Variants in TRIM66 observed in about 807,000 individuals in gnomAD.
The protein encoded by TRIM66 is tripartite motif containing 66, also known as tripartite motif-containing protein 66.
A neutral mutation model predicts 148.2 loss-of-function variants in TRIM66; 99 were observed. The observed-to-expected ratio is 0.67, with a 90% CI of 0.57 to 0.79. TRIM66 has a LOEUF of 0.79. Among genes scored for constraint, TRIM66 ranks in the 30% least tolerant of loss-of-function variants. The pLI is 0.00. For synonymous variants in TRIM66, 616 were observed against 635.9 expected (o/e 0.97, Z 0.47); for missense variants, 1,666 against 1,697.9 (o/e 0.98, Z 0.33).
intron 12 of TRIM66, among the ~76,000 whole-genome samples, chr11:8,643,777 C>T (rs1249031645): frequency 6.6e-6 from 1 of 152,152 alleles, no homozygotes; most frequent in East Asian, 1.9e-4. Flanking sequence ...ATTGTCTGAG[C>T]TCCCCATTGC....
Position 8,613,360 on chromosome 11 carries a change from G to A in TRIM66, c.*4584C>T, listed in dbSNP as rs1565456810. ...GAGGTTGTTTCACTGAGGGTTGGTGGGTGGTGTGAAATGCTGCGGAGAGGT... is the reference window on the plus strand; with the variant it reads ...GAGGTTGTTTCACTGAGGGTTGGTGAGTGGTGTGAAATGCTGCGGAGAGGT... On this transcript the variant is annotated 3_prime_UTR_variant, in exon 25 of 25. Transcript: ENST00000646038. The A allele has an allele frequency of 6.6e-6, 1 of 152,192 alleles. No homozygotes were observed. Among genetic ancestry groups the A allele is most frequent in the Admixed American group, 6.5e-5 (1 of 15,278 alleles). 9.4% of individuals were successfully genotyped at this position (152,192 alleles called of 1,614,324 possible). A position where few individuals can be genotyped will look rare whatever the true frequency, so the allele number is the denominator to read the frequency against.
intron 6 of TRIM66, among the ~76,000 whole-genome samples, chr11:8,664,343 C>T (rs1040956760): frequency 1.9e-4 from 29 of 152,086 alleles, no homozygotes; most frequent in African/African-American, 7.0e-4. Context: ...AAAGATTTTC[C>T]ATGGACTCTC....
At position 8,673,428 on chromosome 11, in the gene TRIM66, T is replaced by C. The variant is rs546283702; in HGVS notation, c.-111-1043A>G. On this transcript the variant is annotated intron_variant, in intron 4 of 24. Transcript: ENST00000646038. ...CTAGGATTTAGTACACACTAGGCAG[T>C]ATTACTTGTCTCAGGTTAATGAGCT... 2.7e-4 allele frequency among the ~76,000 whole-genome samples: 41 copies of C among 152,322 alleles called. No homozygotes were observed. In the South Asian group the frequency reaches 6.8e-3, roughly 25 times the overall value.
At position 8,624,492 on chromosome 11, in the gene TRIM66, G is replaced by T. The variant is rs191734161; in HGVS notation, c.2886C>A (p.Pro962=). 1 of 1,550,798 alleles carries T rather than the reference G, an allele frequency of 6.4e-7. No homozygotes were observed. Among genetic ancestry groups the T allele is most frequent in the African/African-American group, 1.4e-5 (1 of 72,970 alleles). ...TDLLGQGPIV[P]GLDAPKDLAI... is the part of the protein sequence containing the mutation. ...CCAAGTCCTTGGGAGCATCCAGACC[G>T]GGGACTATGGGACCTTGTCCCAGTA... Residue 962 remains proline (P), a synonymous_variant, in exon 17 of 25, where the codon CCC becomes CCA. Coordinates refer to ENST00000646038, the MANE Select transcript of TRIM66 (RefSeq NM_001388022.1).
chr11:8,643,196 C>A, intron 12 of TRIM66, 70 bp from the exon 13 acceptor site: 1 of 1,343,836 alleles, frequency 7.4e-7, no homozygotes, highest in Non-Finnish European at 1.0e-6. Flanking sequence ...TTCCCTTACT[C>A]TTTGGACAAG....
rs973664748 is a variant in TRIM66 at position 8,640,243 on chromosome 11, T to G, written c.2132A>C (p.Gln711Pro). Residue 711 changes from glutamine (Q) to proline (P), a missense_variant, in exon 14 of 25, where the codon CAG (glutamine) becomes CCG (proline). This residue lies in a region of TRIM66 where 1,431 missense variants were observed against 1,412.4 expected (regional missense o/e 1.01). Transcript: ENST00000646038. ...GACGCTTACCTGCAGGGTCTCCTCC[T>G]GGCTCTGGGACTGGACAGGTGCTGG... is the stretch of plus-strand genomic sequence containing the variant. ...RQPAPVQSQS[Q>P]EETLQATDEP... is the part of the protein sequence containing the mutation. The G allele has an allele frequency of 1.4e-5, 21 of 1,551,456 alleles. No homozygotes were observed. Among genetic ancestry groups the G allele is most frequent in the Non-Finnish European group, 1.7e-5 (19 of 1,146,882 alleles).
intron 6 of TRIM66, among the ~76,000 whole-genome samples, chr11:8,659,608 A>G (rs777202340): frequency 6.6e-6 from 1 of 152,190 alleles, no homozygotes; most frequent in Non-Finnish European, 1.5e-5. Flanking sequence ...TGCCTGGACC[A>G]GTGATGCCCC....
Position 8,672,040 on chromosome 11 carries a change from G to C in TRIM66, c.86C>G (p.Ala29Gly). 2 of 1,535,820 alleles carry C rather than the reference G, an allele frequency of 1.3e-6. No individual in the cohort carries two copies. Among genetic ancestry groups the C allele is most frequent in the Non-Finnish European group, 1.7e-6 (2 of 1,146,904 alleles). ...CFSPEDISGK[A>G]PVLGTGMAVD... The stretch of plus-strand genomic sequence containing the variant: ...AGCCATGCCTGTGCCCAGGACTGGG[G>C]CTTTTCCACTGATATCCTCAGGTGA... The change falls in exon 6 of 25, where the codon GCC becomes GGC. Residue 29 changes from alanine (A) to glycine (G), a missense_variant. Around this residue, in one of 3 missense-constraint regions of TRIM66, gnomAD observed 1,431 missense variants for 1,412.4 expected, o/e 1.01. Transcript: ENST00000646038.
In TRIM66 at chr11:8,629,603, G is replaced by A. The variant is rs374008945; in HGVS notation, c.2311-4375C>T. ...CCTGTCCTAATTACCTATTGCACAT[G>A]TGAGTTAACATAATGATAGGGGAGA... On this transcript the variant is annotated intron_variant, in intron 15 of 24. Transcript: ENST00000646038. Among the ~76,000 whole-genome samples the A allele has an allele frequency of 1.2e-4, 18 of 152,334 alleles. 1 individual carries two copies. In the South Asian group the frequency reaches 2.3e-3, roughly 19 times the overall value.
In TRIM66 at chr11:8,646,522, G is replaced by GGAAGAACC; in HGVS notation, c.881_882insGGTTCTTC (p.Asn294LysfsTer13). On this transcript the variant is annotated frameshift_variant, in exon 11 of 25. Transcript: ENST00000646038. LOFTEE classifies it high-confidence loss of function. ...GAACCATCTTGGCCATTTTGATCTG[G>GGAAGAACC]TTTTCCACCTTCCTATGCTGATGCT... 6.4e-7 allele frequency: 1 copy of GGAAGAACC among 1,551,952 alleles called. No homozygotes were observed. The highest frequency in any genetic ancestry group is 8.7e-7 in the Non-Finnish European group (1 of 1,147,056).
chr11:8,643,564 G>C (rs1042042119), intron 12 of TRIM66, among the ~76,000 whole-genome samples: 1 of 151,892 alleles, frequency 6.6e-6, no homozygotes, highest in Non-Finnish European at 1.5e-5. Context: ...GGATGGTCTC[G>C]ATCTCCTGAC....
In TRIM66 at chr11:8,614,331, T is replaced by A. The variant is rs544303850; in HGVS notation, c.*3613A>T. On this transcript the variant is annotated 3_prime_UTR_variant, in exon 25 of 25. Coordinates refer to ENST00000646038, the MANE Select transcript of TRIM66 (RefSeq NM_001388022.1). ...TCCAGCCTGCATGACAGAGTGAGACTCTCTCTCTCAAAAAATAAAAAATAA... is the reference window on the plus strand; with the variant it reads ...TCCAGCCTGCATGACAGAGTGAGACACTCTCTCTCAAAAAATAAAAAATAA... 3 of 151,632 alleles carry A rather than the reference T, an allele frequency of 2.0e-5. No individual in the cohort carries two copies. Among genetic ancestry groups the A allele is most frequent in the African/African-American group, 7.3e-5 (3 of 41,216 alleles). The allele number at this position is 151,632 out of a possible 1,614,324, so 9.4% of individuals were successfully genotyped here. A position where few individuals can be genotyped will look rare whatever the true frequency, so the allele number is the denominator to read the frequency against.
At chr11:8,673,335 T>C (rs72856576) in intron 4 of TRIM66, among the ~76,000 whole-genome samples, 9,095 of 152,294 alleles carry the variant, frequency 0.06, 382 homozygotes, top group Middle Eastern at 0.11. Flanking sequence ...ATAATAAAGT[T>C]TTAAAAAGTA....
intron 15 of TRIM66, among the ~76,000 whole-genome samples, chr11:8,633,097 AG>A (rs1373289297): frequency 9.2e-5 from 14 of 152,224 alleles, no homozygotes; most frequent in Non-Finnish European, 1.9e-4. Flanking sequence ...TTGGAGACTC[AG>A]GAGAATTTGG....
In TRIM66 at chr11:8,612,117, A is replaced by C. The variant is rs1390524116; in HGVS notation, c.*5827T>G. 6.6e-6 allele frequency: 1 copy of C among 152,122 alleles called. No individual in the cohort carries two copies. The highest frequency in any genetic ancestry group is 2.4e-5 in the African/African-American group (1 of 41,410). 9.4% of individuals were successfully genotyped at this position (152,122 alleles called of 1,614,324 possible). ...TAAAATCAGCTATACTTCCCTTTAAAATATCCTCCCTCATGCCCCAACCGC... is the reference window on the plus strand; with the variant it reads ...TAAAATCAGCTATACTTCCCTTTAACATATCCTCCCTCATGCCCCAACCGC... On this transcript the variant is annotated 3_prime_UTR_variant, in exon 25 of 25. Coordinates refer to ENST00000646038, the MANE Select transcript of TRIM66 (RefSeq NM_001388022.1).
At chr11:8,682,729 G>C, upstream of TRIM66, 6 of 1,556,942 alleles carry the variant, frequency 3.9e-6, no homozygotes, top group South Asian at 6.7e-5. Flanking sequence ...CTCTGTGACC[G>C]GAAGTGAGGC....
rs2141794995 is a variant in TRIM66, at chr11:8,618,742, C to G, written c.4119+8G>C. The G allele has an allele frequency of 6.5e-7, 1 of 1,548,890 alleles. No individual in the cohort carries two copies. The highest frequency in any genetic ancestry group is 2.4e-5 in the East Asian group (1 of 40,888). On this transcript the variant is annotated splice_region_variant and intron_variant, in intron 24 of 24. Coordinates refer to ENST00000646038, the MANE Select transcript of TRIM66 (RefSeq NM_001388022.1). ...CCCACCTGCTGCTGGCTGGCAGTAA[C>G]TCTTTACCATATGTCGTCGCCGCCT... is the stretch of plus-strand genomic sequence containing the variant.
At chr11:8,644,274 G>A (rs1175520034) in intron 12 of TRIM66, 4 of 353,458 alleles carry the variant, frequency 1.1e-5, no homozygotes, top group African/African-American at 4.3e-5. Context: ...GTTATCTGGG[G>A]CCACTTCAGT....
At chr11:8,627,954 G>T (rs185692937) in intron 15 of TRIM66, among the ~76,000 whole-genome samples, 89 of 152,278 alleles carry the variant, frequency 5.8e-4, no homozygotes, top group African/African-American at 2.1e-3. Flanking sequence ...TCAGCCGCCA[G>T]AGTAGCTGGG....
Sources: gnomAD v4.1 joint callset for allele counts (sites outside exome capture counted in the v4.1 genomes callset) on GRCh38, gnomAD v4.1.1 for gene constraint, gnomAD v4.1.1 regional missense constraint, MANE v1.5 for transcripts, NCBI Gene and HGNC (gene_info 2026-07-23, HGNC 2026-07-21) for gene names.